Variants in SLC8A1 observed in about 807,000 individuals in gnomAD.
The protein encoded by SLC8A1 is solute carrier family 8 member A1.
SLC8A1 carries 18 observed loss-of-function variants against 68.3 expected under a neutral mutation model. The ratio of observed to expected loss-of-function variants is 0.26; its 90% CI spans 0.18 to 0.39. The LOEUF is 0.39. Ranked by LOEUF, SLC8A1 falls within the 10% of genes least tolerant of loss-of-function variation. The pLI is 1.00. For synonymous variants in SLC8A1, 475 were observed against 415.5 expected (o/e 1.14, Z -1.74); for missense variants, 985 against 1,156.7 (o/e 0.85, Z 2.15).
intron 2 of SLC8A1, among the ~76,000 whole-genome samples, chr2:40,346,047 TAAAAAAA>T (rs774555210): frequency 9.4e-4 from 39 of 41,698 alleles, no homozygotes; most frequent in Admixed American, 1.8e-3. Context: ...ACATTAACAG[TAAAAAAA>T]AAAAAAAAAA....
At chr2:40,489,940 AG>A (rs1705208144) in intron 1 of SLC8A1, among the ~76,000 whole-genome samples, 1 of 152,128 alleles carries the variant, frequency 6.6e-6, no homozygotes, top group Non-Finnish European at 1.5e-5. Flanking sequence ...ATATGAAGAC[AG>A]GCAGCCCCCT....
At chr2:40,303,728 A>G (rs189433916) in intron 2 of SLC8A1, among the ~76,000 whole-genome samples, 7 of 152,314 alleles carry the variant, frequency 4.6e-5, no homozygotes, top group Admixed American at 2.6e-4. Context: ...GTGATTTCCC[A>G]CAAGACTGAG....
chr2:40,415,359 C>G (rs2149716463), intron 2 of SLC8A1, among the ~76,000 whole-genome samples: 1 of 151,648 alleles, frequency 6.6e-6, no homozygotes, highest in East Asian at 1.9e-4. Flanking sequence ...TCCTACAGAT[C>G]TACTTCACCT....
At chr2:40,254,007 G>T (rs2063450108) in intron 2 of SLC8A1, among the ~76,000 whole-genome samples, 1 of 150,004 alleles carries the variant, frequency 6.7e-6, no homozygotes, top group African/African-American at 2.5e-5. Flanking sequence ...TTTCAAAATA[G>T]CTAGAAGAAA....
chr2:40,234,022 T>C (rs1349148065), intron 2 of SLC8A1, among the ~76,000 whole-genome samples: 1 of 152,232 alleles, frequency 6.6e-6, no homozygotes, highest in Non-Finnish European at 1.5e-5. Context: ...TAGTTTGAAG[T>C]CAGGTAGCGT....
At chr2:40,273,038 G>C (rs1348745844) in intron 2 of SLC8A1, among the ~76,000 whole-genome samples, 4 of 152,140 alleles carry the variant, frequency 2.6e-5, no homozygotes, top group Non-Finnish European at 5.9e-5. Flanking sequence ...CACCTCCCAG[G>C]TTCAAGTGAT....
intron 2 of SLC8A1, among the ~76,000 whole-genome samples, chr2:40,197,782 C>A (rs1240269329): frequency 7.0e-5 from 3 of 43,128 alleles, no homozygotes; most frequent in Non-Finnish European, 2.2e-4. Flanking sequence ...TTCTATGGAA[C>A]CAAGAGAGTG....
At chr2:40,240,151 G>A (rs1309367606) in intron 2 of SLC8A1, among the ~76,000 whole-genome samples, 5 of 152,200 alleles carry the variant, frequency 3.3e-5, no homozygotes, top group Non-Finnish European at 7.3e-5. Flanking sequence ...ATATTTGGGG[G>A]AAAGGAAGCC....
chr2:40,442,869 G>A (rs1489075615), intron 1 of SLC8A1, among the ~76,000 whole-genome samples: 2 of 152,258 alleles, frequency 1.3e-5, no homozygotes, highest in Middle Eastern at 3.4e-3. Context: ...GCCCATCAAC[G>A]AGAGGCTGGA....
intron 7 of SLC8A1, among the ~76,000 whole-genome samples, chr2:40,131,431 C>A (rs1047648346): frequency 2.0e-5 from 3 of 152,158 alleles, no homozygotes; most frequent in Non-Finnish European, 4.4e-5. Context: ...TAATCTGATT[C>A]CCTGCTGTCC....
At chr2:40,475,350 G>A (rs1041338670) in intron 1 of SLC8A1, among the ~76,000 whole-genome samples, 1 of 151,808 alleles carries the variant, frequency 6.6e-6, no homozygotes, top group African/African-American at 2.4e-5. Context: ...AGCCAGGATG[G>A]TCTCGATCTC....
chr2:40,512,311 C>G (rs1332123292), intron 1 of SLC8A1: 4 of 152,246 alleles, frequency 2.6e-5, no homozygotes, highest in African/African-American at 9.7e-5. Flanking sequence ...TGCAAATGAT[C>G]CTTTATAGAA....
At chr2:40,333,306 C>A (rs1315493801) in intron 2 of SLC8A1, among the ~76,000 whole-genome samples, 5 of 151,874 alleles carry the variant, frequency 3.3e-5, no homozygotes, top group African/African-American at 9.7e-5. Context: ...GGTGTGGTGG[C>A]ATGTGCCTGT....
intron 7 of SLC8A1, chr2:40,117,081 T>G (rs1195504062): frequency 2.0e-5 from 3 of 152,214 alleles, no homozygotes; most frequent in African/African-American, 7.2e-5. Flanking sequence ...TGATGCTTTT[T>G]GGCACAAAGT....
intron 7 of SLC8A1, among the ~76,000 whole-genome samples, chr2:40,117,817 C>G: frequency 6.6e-6 from 1 of 152,112 alleles, no homozygotes; most frequent in East Asian, 1.9e-4. Flanking sequence ...ATCCTTCCTC[C>G]GTAAACTTCC....
intron 2 of SLC8A1, among the ~76,000 whole-genome samples, chr2:40,318,084 T>C (rs907025638): frequency 8.5e-5 from 13 of 152,138 alleles, no homozygotes; most frequent in Non-Finnish European, 1.9e-4. Flanking sequence ...TACTATCACA[T>C]GGAACACTTA....
At chr2:40,274,796 C>T (rs749389652) in intron 2 of SLC8A1, among the ~76,000 whole-genome samples, 5 of 152,208 alleles carry the variant, frequency 3.3e-5, no homozygotes, top group Non-Finnish European at 5.9e-5. Flanking sequence ...AGTGCTCCTA[C>T]ATATAATCTG....
chr2:40,235,704 T>A (rs1409720582), intron 2 of SLC8A1, among the ~76,000 whole-genome samples: 1 of 151,782 alleles, frequency 6.6e-6, no homozygotes, highest in African/African-American at 2.4e-5. Context: ...GGTGTCAATT[T>A]TGGATCTTTC....
intron 2 of SLC8A1, among the ~76,000 whole-genome samples, chr2:40,182,327 ACT>A (rs144351927): frequency 1.3e-3 from 200 of 152,244 alleles, no homozygotes; most frequent in African/African-American, 4.4e-3. Flanking sequence ...AGACAGGAAA[ACT>A]CACTTCTTTT....
Sources: gnomAD v4.1 joint callset for allele counts (sites outside exome capture counted in the v4.1 genomes callset) on GRCh38, gnomAD v4.1.1 for gene constraint, MANE v1.5 for transcripts, NCBI Gene and HGNC (gene_info 2026-07-23, HGNC 2026-07-21) for gene names.